Variants in AKR1D1 observed in about 807,000 individuals in gnomAD.
The protein encoded by AKR1D1 is aldo-keto reductase family 1 member D1, also known as delta(4)-3-ketosteroid 5-beta-reductase.
In AKR1D1, 32 loss-of-function variants were observed where a neutral mutation model predicts 42.6. The ratio of observed to expected loss-of-function variants is 0.75; its 90% CI spans 0.57 to 1.01. AKR1D1 has a LOEUF of 1.01. Among genes scored for constraint, AKR1D1 ranks in the 50% least tolerant of loss-of-function variants. The probability of loss-of-function intolerance (pLI) is 0.00; values close to 1 mark genes in which losing one functional copy is unlikely to be tolerated. For synonymous variants in AKR1D1, 123 were observed against 135.5 expected, an observed-to-expected ratio of 0.91 and a Z score of 0.64; for missense variants, 364 against 402.2, an observed-to-expected ratio of 0.91 and a Z score of 0.81.
chr7:138,084,034 C>T (rs963950184), intron 1 of AKR1D1, among the ~76,000 whole-genome samples: 3 of 152,198 alleles, frequency 2.0e-5, no homozygotes, highest in African/African-American at 7.2e-5. Context: ...TACCCAGTGA[C>T]GATGTGAAAC....
intron 1 of AKR1D1, among the ~76,000 whole-genome samples, chr7:138,084,306 A>G (rs1383489505): frequency 7.5e-6 from 1 of 133,052 alleles, no homozygotes; most frequent in Non-Finnish European, 1.5e-5. Context: ...TCCAACACCC[A>G]GGCTGAAGCG....
chr7:138,080,026 C>T (rs867007733), intron 1 of AKR1D1, among the ~76,000 whole-genome samples: 33 of 152,164 alleles, frequency 2.2e-4, no homozygotes, highest in African/African-American at 7.7e-4. Context: ...TTCTGCTGAG[C>T]CCCTCCCCAT....
At position 138,116,362 on chromosome 7, in the gene AKR1D1, G is replaced by T. The variant is rs527390594; in HGVS notation, c.939-258G>T. On this transcript the variant is annotated intron_variant, in intron 8 of 8. Coordinates refer to ENST00000242375, the MANE Select transcript of AKR1D1 (RefSeq NM_005989.4). ...TGCCTAAGACATGATTCACCACTGG[G>T]GATTCTGTTCTGAGTAAAATGTTGA... Among the ~76,000 whole-genome samples the T allele has an allele frequency of 2.6e-5, 4 of 152,172 alleles. No homozygotes were observed. In the South Asian group the frequency reaches 8.3e-4, roughly 32 times the overall value.
At chr7:138,102,689 A>G (rs73155746) in intron 4 of AKR1D1, among the ~76,000 whole-genome samples, 14,962 of 152,284 alleles carry the variant, frequency 0.098, 845 homozygotes, top group East Asian at 0.18. Flanking sequence ...CATAATAGAG[A>G]ATGTTAAAAT....
intron 4 of AKR1D1, among the ~76,000 whole-genome samples, chr7:138,101,123 T>G (rs1201883183): frequency 6.6e-6 from 1 of 151,654 alleles, no homozygotes; most frequent in African/African-American, 2.4e-5. Flanking sequence ...TATAGAACAC[T>G]TCACCAAAAT....
rs551861760 is a variant in AKR1D1 at position 138,100,075 on chromosome 7, C to T, written c.456+2132C>T. Reference sequence around the variant, plus strand: ...CTGAACTCTAACCTGGGCAATATAGCGAGATTTCATCTCAAAAAAAAAAAA... The same window carrying T: ...CTGAACTCTAACCTGGGCAATATAGTGAGATTTCATCTCAAAAAAAAAAAA... On this transcript the variant is annotated intron_variant, in intron 4 of 8. Transcript: ENST00000242375. Among the ~76,000 whole-genome samples the T allele has an allele frequency of 2.7e-4, 19 of 69,168 alleles. No homozygotes were observed. In the East Asian group the frequency reaches 5.2e-3, roughly 19 times the overall value. 45.4% of individuals were successfully genotyped at this position (69,168 alleles called of 152,430 possible). A position where few individuals can be genotyped will look rare whatever the true frequency, so the allele number is the denominator to read the frequency against.
At chr7:138,105,458 TGG>T in intron 5 of AKR1D1, 29 bp downstream of exon 5, 1 of 1,612,874 alleles carries the variant, frequency 6.2e-7, no homozygotes, top group East Asian at 2.2e-5. Context: ...CACTAGGGTG[TGG>T]GGAGTGGGGG....
At chr7:138,113,852 C>G (rs369941143) in intron 8 of AKR1D1, 80 bp downstream of exon 8, 9 of 1,258,304 alleles carry the variant, frequency 7.2e-6, no homozygotes, top group East Asian at 4.7e-5. Flanking sequence ...TCATAAGAAC[C>G]CTGACCTATG....
rs142012948 is a variant in AKR1D1 at position 138,116,627 on chromosome 7, G to A, written c.946G>A (p.Asp316Asn). 9.3e-6 allele frequency: 15 copies of A among 1,614,112 alleles called. No homozygotes were observed. Among genetic ancestry groups the A allele is most frequent in the Middle Eastern group, 1.6e-4 (1 of 6,062 alleles). ...GGGGAATTGTTTTGGCAGGTGGCGC[G>A]ATCATCCTGAATACCCATTTCATGA... Reference protein sequence around the residue: ...VRFVELLMWRDHPEYPFHDEY With the variant: ...VRFVELLMWRNHPEYPFHDEY The change falls in exon 9 of 9, where the codon GAT becomes AAT. Residue 316 changes from aspartate (D) to asparagine (N), a missense_variant. Asp to Asn is a conservative substitution (Grantham distance 23, BLOSUM62 1). Coordinates refer to ENST00000242375, the MANE Select transcript of AKR1D1 (RefSeq NM_005989.4).
At chr7:138,088,918 G>T in intron 2 of AKR1D1, 150 bp downstream of exon 2, 1 of 898,078 alleles carries the variant, frequency 1.1e-6, no homozygotes, top group Non-Finnish European at 1.7e-6. Context: ...TTGTTTGTTT[G>T]TTTGAAAGAT....
At chr7:138,100,365 T>C (rs1282864562) in intron 4 of AKR1D1, among the ~76,000 whole-genome samples, 1 of 152,006 alleles carries the variant, frequency 6.6e-6, no homozygotes, top group Non-Finnish European at 1.5e-5. Context: ...AGAATGGATA[T>C]AAACCAAGTC....
chr7:138,079,986 T>A lies in AKR1D1; in HGVS notation c.93+3375T>A, dbSNP rs1196918034. 3.9e-5 allele frequency among the ~76,000 whole-genome samples: 6 copies of A among 152,354 alleles called. No homozygotes were observed. In the East Asian group the frequency reaches 1.2e-3, roughly 29 times the overall value. ...GGCCTGCTGGGTCATATGGCCCAAG[T>A]GGCAGGGATGCTTGTGGTAAAGTCT... On this transcript the variant is annotated intron_variant, in intron 1 of 8. Transcript: ENST00000242375.
intron 7 of AKR1D1, among the ~76,000 whole-genome samples, chr7:138,111,577 A>C (rs1794537964): frequency 6.6e-6 from 1 of 152,232 alleles, no homozygotes; most frequent in Admixed American, 6.5e-5. Flanking sequence ...GAGAAGAACT[A>C]TCAGGAGCTC....
chr7:138,087,046 C>G (rs1445929034), intron 1 of AKR1D1, among the ~76,000 whole-genome samples: 1 of 152,182 alleles, frequency 6.6e-6, no homozygotes, highest in South Asian at 2.1e-4. Flanking sequence ...CTATTTTGTG[C>G]TGCTGTAACA....
At chr7:138,092,855 T>A (rs192218345) in intron 3 of AKR1D1, among the ~76,000 whole-genome samples, 1 of 152,176 alleles carries the variant, frequency 6.6e-6, no homozygotes, top group African/African-American at 2.4e-5. Flanking sequence ...ACGGAGTAAG[T>A]GGTGAGTGAA....
intron 3 of AKR1D1, among the ~76,000 whole-genome samples, chr7:138,095,372 AG>A (rs1476732982): frequency 6.6e-6 from 1 of 152,252 alleles, no homozygotes; most frequent in African/African-American, 2.4e-5. Context: ...CAAGGAGAAA[AG>A]GGACTGTTCC....
intron 8 of AKR1D1, among the ~76,000 whole-genome samples, chr7:138,114,457 A>C (rs1794594691): frequency 6.6e-6 from 1 of 152,042 alleles, no homozygotes; most frequent in South Asian, 2.1e-4. Flanking sequence ...GTCGGGAGTT[A>C]GAGATCAGCC....
chr7:138,093,179 C>T (rs1425361971), intron 3 of AKR1D1, among the ~76,000 whole-genome samples: 1 of 151,658 alleles, frequency 6.6e-6, no homozygotes, highest in Non-Finnish European at 1.5e-5. Flanking sequence ...AGCGATTCTC[C>T]TGCCTCAGCC....
At chr7:138,100,194 TAATC>T (rs1269037203) in intron 4 of AKR1D1, among the ~76,000 whole-genome samples, 2 of 94,796 alleles carry the variant, frequency 2.1e-5, no homozygotes, top group Admixed American at 1.0e-4. Context: ...ATAACAAAAA[TAATC>T]AATCCAAGAC....
Sources: allele counts gnomAD v4.1 joint callset (sites outside exome capture counted in the v4.1 genomes callset), GRCh38; gene constraint gnomAD v4.1.1; transcripts MANE v1.5; gene names NCBI Gene and HGNC (gene_info 2026-07-23, HGNC 2026-07-21).